The following AOPEP variants were observed in gnomAD, a reference collection of about 807,000 sequenced individuals.
The protein encoded by AOPEP is aminopeptidase O (putative).
A neutral mutation model predicts 98.1 loss-of-function variants in AOPEP; 77 were observed. The observed-to-expected ratio is 0.78, with a 90% CI of 0.65 to 0.95. The LOEUF is 0.95. Among genes scored for constraint, AOPEP ranks in the 40% least tolerant of loss-of-function variants. The pLI, the probability that AOPEP is intolerant of heterozygous loss-of-function variation, is 0.00. For synonymous variants in AOPEP, 346 were observed against 365.3 expected (o/e 0.95, Z 0.60); for missense variants, 1,024 against 1,024.7 (o/e 1.00, Z 0.01).
At chr9:94,810,461 C>A (rs146403236) in intron 5 of AOPEP, among the ~76,000 whole-genome samples, 1 of 151,724 alleles carries the variant, frequency 6.6e-6, no homozygotes. Flanking sequence ...ATTACAGGTG[C>A]GCGCCACCAC....
the AOPEP span, chr9:95,107,200 G>C: frequency 2.5e-6 from 4 of 1,614,210 alleles, no homozygotes; most frequent in Non-Finnish European, 2.5e-6. Flanking sequence ...ACCGTCTGCA[G>C]GTCCTGGGCT....
intron 7 of AOPEP, among the ~76,000 whole-genome samples, chr9:94,954,048 C>T (rs748091186): frequency 2.0e-5 from 3 of 152,100 alleles, no homozygotes; most frequent in Non-Finnish European, 2.9e-5. Context: ...TAAAGCTGGG[C>T]GTGGTGGCTC....
rs925948445 is a variant in AOPEP, at chr9:94,887,340, C to T, written c.1365-36646C>T. Among the ~76,000 whole-genome samples, 13 of 150,900 alleles carry T rather than the reference C, an allele frequency of 8.6e-5. No homozygotes were observed. The South Asian group carries it at 2.7e-3, about 32-fold the overall frequency. The stretch of plus-strand genomic sequence containing the variant: ...TCCAGCCTAGGCGACAGAGCCAGAC[C>T]CTGTCTCCAAAATAATAATAATAAT... On this transcript the variant is annotated intron_variant, in intron 5 of 16. Transcript: ENST00000375315.
At chr9:94,758,603 G>C (rs1837568802) in intron 1 of AOPEP, among the ~76,000 whole-genome samples, 1 of 152,192 alleles carries the variant, frequency 6.6e-6, no homozygotes, top group South Asian at 2.1e-4. Context: ...TGCAGTTGTT[G>C]AAAGAATGCC....
intron 13 of AOPEP, among the ~76,000 whole-genome samples, chr9:95,042,576 C>T (rs996991285): frequency 6.6e-6 from 1 of 152,076 alleles, no homozygotes; most frequent in Admixed American, 6.6e-5. Context: ...TCAGGGTGTC[C>T]GCAGCACTTT....
chr9:94,990,611 TTTAA>T (rs139232680), intron 11 of AOPEP, among the ~76,000 whole-genome samples: 50,664 of 149,822 alleles, frequency 0.34, 9,287 homozygotes, highest in Non-Finnish European at 0.42. Context: ...GATTATTTAA[TTTAA>T]TTAATTAATT....
chr9:95,001,097 A>T (rs2061532804), intron 11 of AOPEP, among the ~76,000 whole-genome samples: 1 of 152,090 alleles, frequency 6.6e-6, no homozygotes, highest in Non-Finnish European at 1.5e-5. Context: ...TGCCCCCTCC[A>T]TGAAGTAGAA....
At chr9:94,826,214 C>T (rs140892472) in intron 5 of AOPEP, among the ~76,000 whole-genome samples, 208 of 152,322 alleles carry the variant, frequency 1.4e-3, no homozygotes, top group African/African-American at 4.8e-3. Context: ...AAAGCTGTTT[C>T]GTCCGCGGGC....
chr9:94,831,004 G>A (rs1040352434), intron 5 of AOPEP, among the ~76,000 whole-genome samples: 1 of 152,032 alleles, frequency 6.6e-6, no homozygotes, highest in African/African-American at 2.4e-5. Flanking sequence ...TTTACGTTGT[G>A]TGTTTACTCT....
At chr9:94,846,052 G>A (rs1255613896) in intron 5 of AOPEP, among the ~76,000 whole-genome samples, 4 of 151,508 alleles carry the variant, frequency 2.6e-5, no homozygotes, top group Non-Finnish European at 5.9e-5. Context: ...CTGAGATGGC[G>A]CCATTGCACT....
At chr9:94,777,510 C>T (rs1842386439) in intron 3 of AOPEP, among the ~76,000 whole-genome samples, 1 of 150,442 alleles carries the variant, frequency 6.6e-6, no homozygotes, top group Non-Finnish European at 1.5e-5. Context: ...AAAAATGTCA[C>T]TATGGAAAAT....
chr9:94,973,784 T>G (rs2059673980), intron 10 of AOPEP, among the ~76,000 whole-genome samples: 1 of 152,248 alleles, frequency 6.6e-6, no homozygotes, highest in African/African-American at 2.4e-5. Flanking sequence ...ATTTCCATAG[T>G]GATCAGACAT....
chr9:94,854,995 CTAAACAGTACTG>C (rs1482011493), intron 5 of AOPEP, among the ~76,000 whole-genome samples: 6 of 152,196 alleles, frequency 3.9e-5, no homozygotes, highest in Non-Finnish European at 8.8e-5. Flanking sequence ...TATACATACT[CTAAACAGTACTG>C]TAAACAGTAT....
chr9:95,133,192 A>G, the AOPEP span, among the ~76,000 whole-genome samples: 1 of 152,248 alleles, frequency 6.6e-6, no homozygotes, highest in African/African-American at 2.4e-5. Context: ...TCACAGGCCT[A>G]TTGCGGCCTG....
At chr9:94,816,883 C>T (rs1223448443) in intron 5 of AOPEP, among the ~76,000 whole-genome samples, 1 of 152,158 alleles carries the variant, frequency 6.6e-6, no homozygotes, top group East Asian at 1.9e-4. Flanking sequence ...TCTAACAGGG[C>T]CACGAAGGCC....
chr9:95,078,521 C>G (rs182454941), intron 14 of AOPEP, among the ~76,000 whole-genome samples: 1 of 152,358 alleles, frequency 6.6e-6, no homozygotes, highest in Admixed American at 6.5e-5. Flanking sequence ...CGACAGGTCT[C>G]ACGCACGGGA....
In AOPEP at chr9:94,928,448, G is replaced by A. The variant is rs1255198365; in HGVS notation, c.1578G>A (p.Glu526=). The A allele has an allele frequency of 1.5e-5, 23 of 1,549,354 alleles. No individual in the cohort carries two copies. In the East Asian group the frequency reaches 5.6e-4, roughly 38 times the overall value. ...AQQLAPYEAR[E]QQELRACLRW... ...AGCTGGCCCCCTATGAGGCCCGGGA[G>A]CAGCAGGAGCTGAGGGCTTGTCTGC... The change falls in exon 7 of 17, where the codon GAG becomes GAA. Residue 526 remains glutamate, a synonymous_variant. Transcript: ENST00000375315.
intron 13 of AOPEP, among the ~76,000 whole-genome samples, chr9:95,051,831 G>A (rs1464829819): frequency 6.6e-6 from 1 of 151,804 alleles, no homozygotes; most frequent in African/African-American, 2.4e-5. Context: ...TGCCTCCCAA[G>A]TAGCTGGGAC....
intron 7 of AOPEP, chr9:94,931,803 G>T: frequency 1.3e-6 from 2 of 1,547,118 alleles, no homozygotes; most frequent in Middle Eastern, 1.7e-4. Context: ...TCCTAAAAAC[G>T]CTTTCTTCTT....
Sources: allele counts gnomAD v4.1 joint callset (sites outside exome capture counted in the v4.1 genomes callset), GRCh38; gene constraint gnomAD v4.1.1; transcripts MANE v1.5; gene names NCBI Gene and HGNC (gene_info 2026-07-23, HGNC 2026-07-21).